Variants in DPP6 observed in about 807,000 individuals in gnomAD.
The protein encoded by DPP6 is A-type potassium channel modulatory protein DPP6.
Under a neutral mutation model 122.6 loss-of-function variants are expected in DPP6, and 69 were observed. That is an observed-to-expected ratio of 0.56 (90% CI 0.46 to 0.69). The LOEUF (loss-of-function observed/expected upper bound fraction) is 0.69, where lower values mean the gene tolerates loss of function less well. Ranked by LOEUF, DPP6 falls within the 30% of genes least tolerant of loss-of-function variation. The pLI is 0.00. For missense variants in DPP6, 928 were observed against 1,116.9 expected (o/e 0.83, Z 2.41); for synonymous variants, 418 against 433.1 (o/e 0.97, Z 0.43).
chr7:154,492,390 G>T (rs1824353631), intron 3 of DPP6, among the ~76,000 whole-genome samples: 1 of 152,152 alleles, frequency 6.6e-6, no homozygotes, highest in South Asian at 2.1e-4. Context: ...GAAAAGATGA[G>T]ATTTGTGCCC....
At chr7:154,091,083 T>A (rs1201427505) in intron 1 of DPP6, among the ~76,000 whole-genome samples, 1 of 149,626 alleles carries the variant, frequency 6.7e-6, no homozygotes, top group Non-Finnish European at 1.5e-5. Flanking sequence ...ACTGCGCCAC[T>A]GCACTCCAGC....
chr7:154,458,017 C>T (rs974766369), intron 2 of DPP6, among the ~76,000 whole-genome samples: 2 of 151,554 alleles, frequency 1.3e-5, no homozygotes, highest in Non-Finnish European at 1.5e-5. Flanking sequence ...TTGACACAGA[C>T]GAAGGAGGAA....
At position 154,282,958 on chromosome 7, in the gene DPP6, A is replaced by T. The variant is rs1350199598; in HGVS notation, c.244-163256A>T. 1.3e-5 allele frequency among the ~76,000 whole-genome samples: 2 copies of T among 152,276 alleles called. No homozygotes were observed. Among genetic ancestry groups the T allele is most frequent in the East Asian group, 3.9e-4 (2 of 5,160 alleles). On this transcript the variant is annotated intron_variant, in intron 1 of 25. Coordinates refer to ENST00000377770, the MANE Select transcript of DPP6 (RefSeq NM_130797.4). This position sits in a 1 kb window ranked among gnomAD's most constrained non-coding sequence, Gnocchi z 4.8. ...GATGCCTAGCTCTGGACTCAAGGGC[A>T]TCAGACATCAGAACACGTCTCTCTC...
intron 2 of DPP6, among the ~76,000 whole-genome samples, chr7:154,465,237 C>A (rs1821679693): frequency 6.6e-6 from 1 of 152,194 alleles, no homozygotes; most frequent in African/African-American, 2.4e-5. Context: ...TATGTACTAG[C>A]AACACACAGT....
chr7:154,677,311 G>A (rs970054250), intron 7 of DPP6, among the ~76,000 whole-genome samples: 24 of 152,106 alleles, frequency 1.6e-4, no homozygotes, highest in Non-Finnish European at 2.6e-4. Flanking sequence ...GATCCAGCGG[G>A]CACTGCTTCC....
At chr7:154,540,253 G>A (rs2130246788) in intron 3 of DPP6, among the ~76,000 whole-genome samples, 1 of 152,222 alleles carries the variant, frequency 6.6e-6, no homozygotes, top group South Asian at 2.1e-4. Flanking sequence ...TTCTTAATCT[G>A]CTCTTTGTGT....
chr7:154,583,809 G>T (rs183285930), intron 5 of DPP6, among the ~76,000 whole-genome samples: 2 of 152,118 alleles, frequency 1.3e-5, no homozygotes, highest in African/African-American at 4.8e-5. Context: ...TCCGGGGAAC[G>T]TAGAGGGCCC....
At chr7:153,751,417 A>G in the DPP6 span, among the ~76,000 whole-genome samples, 1 of 148,566 alleles carries the variant, frequency 6.7e-6, no homozygotes. Flanking sequence ...TAGATGTGTT[A>G]TTTATTGCTA....
intron 1 of DPP6, among the ~76,000 whole-genome samples, chr7:154,327,744 T>C (rs1252145810): frequency 2.0e-5 from 3 of 152,126 alleles, no homozygotes; most frequent in Non-Finnish European, 2.9e-5. Context: ...TAAAAATGTA[T>C]GGGACACATT....
At chr7:154,592,409 C>G (rs551823211) in intron 5 of DPP6, among the ~76,000 whole-genome samples, 1 of 152,350 alleles carries the variant, frequency 6.6e-6, no homozygotes, top group South Asian at 2.1e-4. Flanking sequence ...TGCTGACTTA[C>G]TCAGCCCTGA....
exon 1 of DPP6, chr7:153,887,574 A>C: frequency 2.3e-6 from 3 of 1,330,722 alleles, no homozygotes; most frequent in Non-Finnish European, 2.1e-6. Flanking sequence ...TCCTTCAAAA[A>C]CCCGTTTCCA....
intron 5 of DPP6, among the ~76,000 whole-genome samples, chr7:154,572,652 C>T (rs1831199802): frequency 6.8e-6 from 1 of 146,948 alleles, no homozygotes; most frequent in African/African-American, 2.5e-5. Context: ...GAGTAGCTAG[C>T]ATTACAGGCA....
At chr7:154,000,739 C>T (rs1201580700) in intron 1 of DPP6, among the ~76,000 whole-genome samples, 1 of 152,050 alleles carries the variant, frequency 6.6e-6, no homozygotes, top group African/African-American at 2.4e-5. Flanking sequence ...GCCAGCTGCT[C>T]TTCTTCGCGT....
At chr7:154,164,427 C>T (rs1372503068) in intron 1 of DPP6, among the ~76,000 whole-genome samples, 11 of 152,054 alleles carry the variant, frequency 7.2e-5, no homozygotes, top group Non-Finnish European at 1.2e-4. Flanking sequence ...TTGATGTGGT[C>T]CTTCATCTTG....
chr7:154,127,636 C>G (rs868033106), intron 1 of DPP6, among the ~76,000 whole-genome samples: 1 of 104,120 alleles, frequency 9.6e-6, no homozygotes. Flanking sequence ...CACACACAGA[C>G]ACACACACAC....
At chr7:154,153,992 A>T (rs1585503416) in intron 1 of DPP6, among the ~76,000 whole-genome samples, 1 of 152,152 alleles carries the variant, frequency 6.6e-6, no homozygotes, top group Non-Finnish European at 1.5e-5. Context: ...GCAGCTGATG[A>T]TTTGTTCCTC....
intron 3 of DPP6, among the ~76,000 whole-genome samples, chr7:154,485,058 T>A (rs1368689558): frequency 6.6e-6 from 1 of 152,148 alleles, no homozygotes; most frequent in Admixed American, 6.5e-5. Context: ...AGGCCACATT[T>A]TTCAATCAAA....
At chr7:154,159,956 A>G (rs1796894893) in intron 1 of DPP6, among the ~76,000 whole-genome samples, 2 of 152,166 alleles carry the variant, frequency 1.3e-5, no homozygotes, top group Non-Finnish European at 2.9e-5. Context: ...CAAAAATCAG[A>G]AAGTTAGCTG....
intron 1 of DPP6, among the ~76,000 whole-genome samples, chr7:154,357,946 CA>C (rs563436108): frequency 0.038 from 4,651 of 123,792 alleles, 211 homozygotes; most frequent in African/African-American, 0.11. Context: ...AACTTCGTCT[CA>C]AAAAAAAAAA....
Sources: allele counts gnomAD v4.1 joint callset (sites outside exome capture counted in the v4.1 genomes callset), GRCh38; gene constraint gnomAD v4.1.1; non-coding constraint Gnocchi (gnomAD v3.1); transcripts MANE v1.5; gene names NCBI Gene and HGNC (gene_info 2026-07-23, HGNC 2026-07-21).